TMEM161B: variants seen among roughly 807,000 people sequenced by gnomAD.
TMEM161B encodes transmembrane protein 161B.
Under a neutral mutation model 61.8 loss-of-function variants are expected in TMEM161B, and 34 were observed. The observed-to-expected ratio is 0.55, with a 90% confidence interval of 0.42 to 0.73. The LOEUF (loss-of-function observed/expected upper bound fraction) is 0.73, where lower values mean the gene tolerates loss of function less well. TMEM161B is among the 30% of genes least tolerant of loss of function. TMEM161B has a pLI of 0.00. For synonymous variants in TMEM161B, 167 were observed against 192.8 expected (o/e 0.87, Z 1.11); for missense variants, 456 against 558.5 (o/e 0.82, Z 1.85).
At chr5:88,240,312 C>T (rs970679126) in intron 2 of TMEM161B, among the ~76,000 whole-genome samples, 14 of 151,894 alleles carry the variant, frequency 9.2e-5, no homozygotes, top group Non-Finnish European at 2.1e-4. Flanking sequence ...AGAATATATG[C>T]TTTCAGTATT....
At chr5:88,198,731 A>G (rs1750140446) in intron 10 of TMEM161B, 1 of 368,602 alleles carries the variant, frequency 2.7e-6, no homozygotes, top group Non-Finnish European at 4.8e-6. Context: ...TATTAGGCAT[A>G]AAACAGCTTT....
intron 7 of TMEM161B, 90 bp from the exon 8 acceptor site, chr5:88,206,044 A>G (rs1745402869): frequency 1.9e-6 from 2 of 1,065,310 alleles, no homozygotes; most frequent in East Asian, 5.2e-5. Flanking sequence ...CTTACAAATA[A>G]CAATAACAGT....
intron 1 of TMEM161B, among the ~76,000 whole-genome samples, chr5:88,241,343 G>C (rs962698620): frequency 2.0e-5 from 3 of 151,732 alleles, no homozygotes; most frequent in African/African-American, 7.3e-5. Context: ...GACACTGAGG[G>C]ACAACTGTTA....
chr5:88,231,018 A>C (rs1750897500), intron 2 of TMEM161B, among the ~76,000 whole-genome samples: 1 of 152,168 alleles, frequency 6.6e-6, no homozygotes, highest in Admixed American at 6.5e-5. Context: ...TTGTCCCTAT[A>C]TAATGAAACT....
downstream of TMEM161B, among the ~76,000 whole-genome samples, chr5:88,190,833 A>G (rs1027827061): frequency 6.6e-6 from 1 of 151,792 alleles, no homozygotes; most frequent in Admixed American, 6.6e-5. Flanking sequence ...ATATTATTCC[A>G]TTTCCTTCTT....
chr5:88,214,247 T>C (rs1213246609), intron 5 of TMEM161B, among the ~76,000 whole-genome samples: 2 of 152,140 alleles, frequency 1.3e-5, no homozygotes, highest in Non-Finnish European at 2.9e-5. Flanking sequence ...ACATACATAA[T>C]AGGGTTTTGT....
chr5:88,206,076 A>G (rs1745407773), intron 7 of TMEM161B, 122 bp from the exon 8 acceptor site: 1 of 826,490 alleles, frequency 1.2e-6, no homozygotes, highest in Non-Finnish European at 1.9e-6. Flanking sequence ...AATTTCTACA[A>G]AAAGATTGCT....
At chr5:88,197,154 A>G (rs111954946) in intron 11 of TMEM161B, among the ~76,000 whole-genome samples, 14 of 152,242 alleles carry the variant, frequency 9.2e-5, no homozygotes, top group African/African-American at 3.1e-4. Flanking sequence ...GGAAATGATC[A>G]ATGCAATAAT....
intron 3 of TMEM161B, 138 bp from the exon 4 acceptor site, chr5:88,226,004 G>A (rs1210890957): frequency 1.8e-6 from 1 of 548,924 alleles, no homozygotes; most frequent in East Asian, 3.0e-5. Context: ...CAATAAGGAG[G>A]TAAAGTACTC....
chr5:88,228,382 TA>T (rs1750411584), intron 3 of TMEM161B, 62 bp downstream of exon 3: 3 of 1,236,334 alleles, frequency 2.4e-6, no homozygotes, highest in African/African-American at 1.5e-5. Context: ...AATCAAAGCA[TA>T]AAAATGTATT....
intron 10 of TMEM161B, 47 bp downstream of exon 10, chr5:88,198,929 A>G: frequency 2.0e-6 from 3 of 1,499,094 alleles, no homozygotes; most frequent in South Asian, 1.3e-5. Flanking sequence ...TTTTTTTTAC[A>G]GTGCGGTTTT....
At chr5:88,267,198 CCA>C (rs1158284957) in intron 1 of TMEM161B, among the ~76,000 whole-genome samples, 8 of 152,066 alleles carry the variant, frequency 5.3e-5, no homozygotes, top group African/African-American at 1.9e-4. Context: ...TTTCTAGACC[CCA>C]GATTCTTTCT....
chr5:88,263,634 C>T (rs918484336), intron 1 of TMEM161B, among the ~76,000 whole-genome samples: 4 of 152,268 alleles, frequency 2.6e-5, no homozygotes, highest in Non-Finnish European at 1.5e-5. Context: ...GGCAAAACCA[C>T]GTTAACAACA....
chr5:88,213,738 A>G (rs1224473774), intron 5 of TMEM161B, among the ~76,000 whole-genome samples: 1 of 152,174 alleles, frequency 6.6e-6, no homozygotes, highest in Non-Finnish European at 1.5e-5. Flanking sequence ...TTTTGTCTTG[A>G]AATCTGAGTA....
In TMEM161B at chr5:88,207,017, T is replaced by C. The variant is rs1159517325; in HGVS notation, c.598+12A>G. The C allele has an allele frequency of 6.2e-7, 1 of 1,609,990 alleles. No homozygotes were observed. Among genetic ancestry groups the C allele is most frequent in the African/African-American group, 1.3e-5 (1 of 74,790 alleles). ...AGCAAAATTGATTTTTAAAGTTGTA[T>C]GAAACTATTACCTGTTTCAAGTCCA... On this transcript the variant is annotated intron_variant, in intron 6 of 11. Coordinates refer to ENST00000296595, the MANE Select transcript of TMEM161B (RefSeq NM_153354.5).
At chr5:88,258,539 A>C (rs527457831) in intron 1 of TMEM161B, among the ~76,000 whole-genome samples, 1 of 152,196 alleles carries the variant, frequency 6.6e-6, no homozygotes, top group African/African-American at 2.4e-5. Flanking sequence ...GCGAATGCAG[A>C]AACAAATGGT....
chr5:88,232,071 G>A (rs1272209791), intron 2 of TMEM161B, among the ~76,000 whole-genome samples: 1 of 151,938 alleles, frequency 6.6e-6, no homozygotes, highest in Non-Finnish European at 1.5e-5. Flanking sequence ...ACGAATACTA[G>A]ACACTACCTT....
chr5:88,260,707 C>T (rs1287577863), intron 1 of TMEM161B, among the ~76,000 whole-genome samples: 2 of 152,194 alleles, frequency 1.3e-5, no homozygotes, highest in Non-Finnish European at 2.9e-5. Flanking sequence ...CCTGCCTTAG[C>T]CTTCCATGAG....
At chr5:88,262,841 A>G (rs1038544777) in intron 1 of TMEM161B, among the ~76,000 whole-genome samples, 2 of 152,178 alleles carry the variant, frequency 1.3e-5, no homozygotes, top group Middle Eastern at 3.2e-3. Context: ...GGAGCAGGGA[A>G]TATCTAGGAA....
Sources: allele counts gnomAD v4.1 joint callset (sites outside exome capture counted in the v4.1 genomes callset), GRCh38; gene constraint gnomAD v4.1.1; transcripts MANE v1.5; gene names NCBI Gene and HGNC (gene_info 2026-07-23, HGNC 2026-07-21).